The following GPC4 variants were observed in gnomAD, a reference collection of about 807,000 sequenced individuals.
GPC4 encodes the protein glypican 4, also known as glypican-4.
A neutral mutation model predicts 35.0 loss-of-function variants in GPC4; 10 were observed. The observed-to-expected ratio is 0.29, with a 90% CI of 0.18 to 0.48. The LOEUF (loss-of-function observed/expected upper bound fraction) is 0.48, where lower values mean the gene tolerates loss of function less well. GPC4 is among the 20% of genes least tolerant of loss of function. GPC4 has a pLI of 0.99. For synonymous variants in GPC4, 167 were observed against 170.2 expected, an observed-to-expected ratio of 0.98 and a Z score of 0.15; for missense variants, 322 against 451.3, an observed-to-expected ratio of 0.71 and a Z score of 2.60.
intron 1 of GPC4, among the ~76,000 whole-genome samples, chrX:133,360,896 C>A (rs768629599): frequency 1.8e-5 from 2 of 111,687 alleles, no homozygotes; most frequent in African/African-American, 6.5e-5. Context: ...ATAATGGTGA[C>A]CCTGAGTGTT....
intron 1 of GPC4, among the ~76,000 whole-genome samples, chrX:133,340,136 G>A (rs1218422854): frequency 9.0e-6 from 1 of 110,695 alleles, no homozygotes; most frequent in Non-Finnish European, 1.9e-5. Flanking sequence ...AACCCACGAA[G>A]TATCTCCCTC....
intron 1 of GPC4, among the ~76,000 whole-genome samples, chrX:133,387,321 G>A (rs2068695917): frequency 9.0e-6 from 1 of 111,610 alleles, no homozygotes. Flanking sequence ...TGCGAATAAT[G>A]TCCCAAAGCA....
intron 1 of GPC4, among the ~76,000 whole-genome samples, chrX:133,371,720 C>G (rs2068612987): frequency 8.9e-6 from 1 of 111,754 alleles, no homozygotes; most frequent in African/African-American, 3.3e-5. Flanking sequence ...ATAAATATAA[C>G]AAACCTTAGG....
At chrX:133,380,517 T>C (rs887506116) in intron 1 of GPC4, among the ~76,000 whole-genome samples, 2 of 111,219 alleles carry the variant, frequency 1.8e-5, no homozygotes, top group African/African-American at 6.5e-5. Flanking sequence ...ATGATATACA[T>C]AGAGGAGAAC....
intron 3 of GPC4, 102 bp from the exon 4 acceptor site, chrX:133,311,525 A>G: frequency 1.3e-6 from 1 of 775,078 alleles, no homozygotes; most frequent in South Asian, 2.1e-5. Flanking sequence ...TGAACTTAAG[A>G]ATGAGTTGTG....
At chrX:133,406,389 C>T (rs906104397) in intron 1 of GPC4, among the ~76,000 whole-genome samples, 1 of 112,331 alleles carries the variant, frequency 8.9e-6, no homozygotes, top group African/African-American at 3.2e-5. Flanking sequence ...AAACTAAAGG[C>T]TTTATCTCAA....
intron 1 of GPC4, among the ~76,000 whole-genome samples, chrX:133,365,972 T>C (rs2068588131): frequency 8.9e-6 from 1 of 112,130 alleles, no homozygotes; most frequent in Non-Finnish European, 1.9e-5. Context: ...GATGACTGGA[T>C]AATGAAATGT....
rs746948759 is a variant in GPC4, at chrX:133,312,560, C to T, written c.712-1137G>A. On this transcript the variant is annotated intron_variant, in intron 3 of 8. Coordinates refer to ENST00000370828, the MANE Select transcript of GPC4 (RefSeq NM_001448.3). ...AGAAGAATTGCTTGAACCTGGGAGA[C>T]GGAGGTTGCAGCGAGCCGAGATCTC... Among the ~76,000 whole-genome samples, 17 of 101,551 alleles carry T rather than the reference C, an allele frequency of 1.7e-4. No individual in the cohort carries two copies. The East Asian group carries it at 2.8e-3, about 17-fold the overall frequency. The allele number at this position is 101,551 out of a possible 115,157, so 88.2% of individuals were successfully genotyped here.
chrX:133,410,700 G>T (rs2124188303), intron 1 of GPC4, among the ~76,000 whole-genome samples: 1 of 112,056 alleles, frequency 8.9e-6, no homozygotes, highest in South Asian at 3.8e-4. Context: ...TCCTGAAATT[G>T]CATGCAACCC....
At chrX:133,347,141 A>G (rs1241266311) in intron 1 of GPC4, among the ~76,000 whole-genome samples, 1 of 108,838 alleles carries the variant, frequency 9.2e-6, no homozygotes, top group Non-Finnish European at 1.9e-5. Context: ...TGAGAAATAT[A>G]CCCACCCTAA....
At chrX:133,334,608 AG>A (rs2068434339) in intron 2 of GPC4, among the ~76,000 whole-genome samples, 1 of 111,470 alleles carries the variant, frequency 9.0e-6, no homozygotes, top group African/African-American at 3.3e-5. Flanking sequence ...AGGATTGAAA[AG>A]GGTTTTAGAG....
intron 1 of GPC4, among the ~76,000 whole-genome samples, chrX:133,345,567 T>A (rs965575290): frequency 1.8e-5 from 2 of 112,281 alleles, no homozygotes; most frequent in Admixed American, 1.9e-4. Flanking sequence ...CTTGCACCAA[T>A]CACAGGTGGC....
chrX:133,308,306 A>G (rs1327734775), intron 4 of GPC4, among the ~76,000 whole-genome samples: 1 of 111,811 alleles, frequency 8.9e-6, no homozygotes, highest in African/African-American at 3.3e-5. Context: ...CCCGCCAGCA[A>G]TCCCAATACT....
At chrX:133,305,427 T>C (rs931066696) in intron 6 of GPC4, among the ~76,000 whole-genome samples, 7 of 112,486 alleles carry the variant, frequency 6.2e-5, no homozygotes, top group Non-Finnish European at 1.3e-4. Context: ...TTCTCCCTCT[T>C]TGCCTCCTTG....
chrX:133,326,591 C>T (rs1293878676), intron 2 of GPC4, among the ~76,000 whole-genome samples: 3 of 112,190 alleles, frequency 2.7e-5, no homozygotes, highest in Non-Finnish European at 5.6e-5. Flanking sequence ...AACAACTGCT[C>T]TAGCTGCTGA....
chrX:133,328,003 CCTT>C (rs1390038054), intron 2 of GPC4, among the ~76,000 whole-genome samples: 2 of 110,586 alleles, frequency 1.8e-5, no homozygotes. Flanking sequence ...TGCATCTTAA[CCTT>C]CTTCTTGCAC....
intron 3 of GPC4, among the ~76,000 whole-genome samples, chrX:133,315,513 T>C (rs1026706732): frequency 8.1e-5 from 9 of 111,205 alleles, no homozygotes; most frequent in Middle Eastern, 4.7e-3. Context: ...CTTTATTCAT[T>C]TTGAATAGAA....
chrX:133,354,571 T>TTTA (rs1556030379), intron 1 of GPC4, among the ~76,000 whole-genome samples: 1 of 99,731 alleles, frequency 1.0e-5, no homozygotes, highest in Non-Finnish European at 2.0e-5. Context: ...TTTATTTATT[T>TTTA]TTTTTTTTGA....
At position 133,306,007 on chromosome X, in the gene GPC4, C is replaced by CA. The variant is rs761953376; in HGVS notation, c.1008+16dup. ...GGAGGTCCCTAGCTCCCCTTTCCAG[C>CA]ATCCTGCCTTCATTACCTTCTGAGA... On this transcript the variant is annotated intron_variant, in intron 5 of 8. Coordinates refer to ENST00000370828, the MANE Select transcript of GPC4 (RefSeq NM_001448.3). 6 of 1,209,012 alleles carry CA rather than the reference C, an allele frequency of 5.0e-6. No individual in the cohort carries two copies. In the African/African-American group the frequency reaches 1.1e-4, roughly 21 times the overall value.
Sources: allele counts gnomAD v4.1 joint callset (sites outside exome capture counted in the v4.1 genomes callset), GRCh38; gene constraint gnomAD v4.1.1; transcripts MANE v1.5; gene names NCBI Gene and HGNC (gene_info 2026-07-23, HGNC 2026-07-21).